The following TATDN1 variants were observed in gnomAD, a reference collection of about 807,000 sequenced individuals.
The protein encoded by TATDN1 is deoxyribonuclease TATDN1.
In TATDN1, 40 loss-of-function variants were observed where a neutral mutation model predicts 46.4. That is an observed-to-expected ratio of 0.86 (90% confidence interval 0.67 to 1.12). The LOEUF (loss-of-function observed/expected upper bound fraction) is 1.12. Ranked by LOEUF, TATDN1 falls within the 50% of genes most tolerant of loss-of-function variation. The pLI is 0.00. For missense variants in TATDN1, 326 were observed against 348.4 expected (o/e 0.94, Z 0.51); for synonymous variants, 95 against 105.6 (o/e 0.90, Z 0.62).
At chr8:124,504,045 C>A in intron 9 of TATDN1, 2 of 920,872 alleles carry the variant, frequency 2.2e-6, no homozygotes, top group Non-Finnish European at 3.2e-6. Flanking sequence ...AAATTGTTTT[C>A]CATTATTAGA....
At chr8:124,495,631 C>A in intron 9 of TATDN1, 89 bp from the exon 10 acceptor site, 1 of 949,614 alleles carries the variant, frequency 1.1e-6, no homozygotes, top group Non-Finnish European at 1.6e-6. Context: ...GCTACAAAAC[C>A]AACCCAAAAC....
At chr8:124,523,102 A>G in intron 1 of TATDN1, 100 bp from the exon 2 acceptor site, 2 of 963,804 alleles carry the variant, frequency 2.1e-6, no homozygotes, top group Middle Eastern at 3.2e-4. Flanking sequence ...TCACACACTC[A>G]TCTACTCAAA....
At chr8:124,524,022 G>A (rs755484425) in intron 1 of TATDN1, among the ~76,000 whole-genome samples, 4 of 152,136 alleles carry the variant, frequency 2.6e-5, no homozygotes, top group Non-Finnish European at 5.9e-5. Flanking sequence ...TTTAGCAGGA[G>A]GAGAATCTCA....
intron 10 of TATDN1, chr8:124,494,318 C>T (rs1370248386): frequency 1.3e-5 from 2 of 155,606 alleles, no homozygotes; most frequent in African/African-American, 4.8e-5. Flanking sequence ...GTGAGGTTTG[C>T]ATAAGTTAAA....
rs1819773627 is a variant in TATDN1 at position 124,518,810 on chromosome 8, G to A, written c.202+8C>T. The A allele has an allele frequency of 6.3e-7, 1 of 1,598,316 alleles. No homozygotes were observed. The highest frequency in any genetic ancestry group is 8.6e-7 in the Non-Finnish European group (1 of 1,167,368). On this transcript the variant is annotated splice_region_variant and intron_variant, in intron 4 of 11. Transcript: ENST00000276692. ...ATTTTTTTTTTGGTAAAAGAAATATGAGGATACCATTTGTTTGTGCCAAAT... is the reference window on the plus strand; with the variant it reads ...ATTTTTTTTTTGGTAAAAGAAATATAAGGATACCATTTGTTTGTGCCAAAT...
chr8:124,519,603 A>C (rs1403157484), intron 3 of TATDN1, among the ~76,000 whole-genome samples: 1 of 152,170 alleles, frequency 6.6e-6, no homozygotes, highest in East Asian at 1.9e-4. Flanking sequence ...TTAATTTTTA[A>C]TATAGTATGT....
chr8:124,535,315 G>A (rs1821338880), intron 1 of TATDN1, among the ~76,000 whole-genome samples: 1 of 152,202 alleles, frequency 6.6e-6, no homozygotes, highest in Non-Finnish European at 1.5e-5. Flanking sequence ...AAAGGGCAGA[G>A]TTGAATAGCT....
chr8:124,510,525 A>G (rs1401471584), intron 6 of TATDN1, among the ~76,000 whole-genome samples: 1 of 152,192 alleles, frequency 6.6e-6, no homozygotes, highest in Non-Finnish European at 1.5e-5. Context: ...AGTACAGTTT[A>G]TGAAAATAAC....
At chr8:124,490,878 A>G (rs1816934230) in intron 11 of TATDN1, among the ~76,000 whole-genome samples, 1 of 151,690 alleles carries the variant, frequency 6.6e-6, no homozygotes, top group Non-Finnish European at 1.5e-5. Flanking sequence ...TGCCTCTCAG[A>G]TTCAAGTGAT....
At chr8:124,527,576 ACT>A (rs1820606393) in intron 1 of TATDN1, among the ~76,000 whole-genome samples, 1 of 151,712 alleles carries the variant, frequency 6.6e-6, no homozygotes, top group African/African-American at 2.4e-5. Context: ...GTGTGACCAA[ACT>A]CTCATCTAAT....
At chr8:124,532,084 G>T (rs1276315771) in intron 1 of TATDN1, among the ~76,000 whole-genome samples, 2 of 152,038 alleles carry the variant, frequency 1.3e-5, no homozygotes, top group Non-Finnish European at 2.9e-5. Flanking sequence ...AGAGCAAGGG[G>T]GGGAGGAGGA....
chr8:124,505,942 T>C (rs1372716397), intron 8 of TATDN1, among the ~76,000 whole-genome samples: 1 of 150,718 alleles, frequency 6.6e-6, no homozygotes, highest in African/African-American at 2.4e-5. Context: ...TTATTAATTA[T>C]TTGGCAATTT....
At chr8:124,503,601 G>A (rs528860905) in intron 9 of TATDN1, among the ~76,000 whole-genome samples, 27 of 152,246 alleles carry the variant, frequency 1.8e-4, no homozygotes, top group African/African-American at 6.3e-4. Flanking sequence ...AAGGGTATGA[G>A]ACAATGAAGA....
chr8:124,502,015 T>G (rs1483280409), intron 9 of TATDN1, among the ~76,000 whole-genome samples: 1 of 152,186 alleles, frequency 6.6e-6, no homozygotes, highest in Non-Finnish European at 1.5e-5. Flanking sequence ...TTTCTGATCT[T>G]GAATTTTATT....
chr8:124,491,972 G>A (rs946781174), intron 11 of TATDN1, among the ~76,000 whole-genome samples: 17 of 143,766 alleles, frequency 1.2e-4, no homozygotes, highest in African/African-American at 4.4e-4. Flanking sequence ...AGCCTTCACA[G>A]TTCTTTTTTT....
At chr8:124,509,313 C>A (rs1311077042) in intron 6 of TATDN1, among the ~76,000 whole-genome samples, 2 of 152,136 alleles carry the variant, frequency 1.3e-5, no homozygotes, top group Non-Finnish European at 2.9e-5. Context: ...GTACTTTGTC[C>A]AAGATAACAA....
At chr8:124,509,493 C>T (rs1258998913) in intron 6 of TATDN1, among the ~76,000 whole-genome samples, 1 of 152,210 alleles carries the variant, frequency 6.6e-6, no homozygotes, top group Non-Finnish European at 1.5e-5. Context: ...TTCACTTCAA[C>T]ACAGTGCTCC....
At chr8:124,491,480 T>C (rs889005675) in intron 11 of TATDN1, 2 of 152,256 alleles carry the variant, frequency 1.3e-5, no homozygotes, top group African/African-American at 4.8e-5. Flanking sequence ...AAGCAGACAG[T>C]TGATGTGCCC....
intron 1 of TATDN1, among the ~76,000 whole-genome samples, chr8:124,529,406 T>C (rs1418077847): frequency 6.6e-6 from 1 of 152,194 alleles, no homozygotes; most frequent in Non-Finnish European, 1.5e-5. Flanking sequence ...TTTAGTTTAA[T>C]AATGGAGAGA....
Sources: allele counts gnomAD v4.1 joint callset (sites outside exome capture counted in the v4.1 genomes callset), GRCh38; gene constraint gnomAD v4.1.1; transcripts MANE v1.5; gene names NCBI Gene and HGNC (gene_info 2026-07-23, HGNC 2026-07-21).